Variants in CAMKMT observed in about 807,000 individuals in gnomAD.
CAMKMT encodes CaM KMT.
CAMKMT carries 53 observed loss-of-function variants against 48.0 expected under a neutral mutation model. The observed-to-expected ratio is 1.10, with a 90% confidence interval of 0.89 to 1.39. The LOEUF (loss-of-function observed/expected upper bound fraction) is 1.39. Ranked by LOEUF, CAMKMT falls within the 40% of genes most tolerant of loss-of-function variation. The pLI is 0.00. For missense variants in CAMKMT, 428 were observed against 402.7 expected (o/e 1.06, Z -0.54); for synonymous variants, 165 against 152.3 (o/e 1.08, Z -0.61).
At chr2:44,427,997 G>C (rs977912144) in intron 3 of CAMKMT, among the ~76,000 whole-genome samples, 4 of 152,148 alleles carry the variant, frequency 2.6e-5, no homozygotes, top group African/African-American at 9.7e-5. Context: ...AGCCTCTAGG[G>C]GTTGCCCACA....
At chr2:44,469,132 A>G (rs769771316) in intron 3 of CAMKMT, among the ~76,000 whole-genome samples, 8 of 152,174 alleles carry the variant, frequency 5.3e-5, no homozygotes, top group Non-Finnish European at 7.4e-5. Flanking sequence ...TAGAGTGACT[A>G]TCGTTAACAA....
At chr2:44,697,483 T>C (rs926987306) in intron 3 of CAMKMT, among the ~76,000 whole-genome samples, 5 of 152,032 alleles carry the variant, frequency 3.3e-5, no homozygotes, top group African/African-American at 1.2e-4. Context: ...AATGAATGTA[T>C]TGAGAGGAGA....
At chr2:44,720,095 C>CAA (rs1558816876) in intron 7 of CAMKMT, among the ~76,000 whole-genome samples, 1 of 152,084 alleles carries the variant, frequency 6.6e-6, no homozygotes, top group African/African-American at 2.4e-5. Flanking sequence ...CATATCCCTA[C>CAA]TATTTAGTGT....
chr2:44,757,668 A>G (rs993168966), intron 9 of CAMKMT, among the ~76,000 whole-genome samples: 1 of 151,768 alleles, frequency 6.6e-6, no homozygotes, highest in African/African-American at 2.4e-5. Flanking sequence ...GGTTCAAGCA[A>G]TTCTCCTGCC....
intron 4 of CAMKMT, among the ~76,000 whole-genome samples, chr2:44,705,747 T>C (rs1677518254): frequency 6.6e-6 from 1 of 152,182 alleles, no homozygotes; most frequent in African/African-American, 2.4e-5. Flanking sequence ...TTGTTCTTTA[T>C]GGGGACTGTT....
intron 3 of CAMKMT, among the ~76,000 whole-genome samples, chr2:44,461,211 T>C (rs946275197): frequency 6.6e-6 from 1 of 152,212 alleles, no homozygotes; most frequent in Non-Finnish European, 1.5e-5. Context: ...AGGGCTTTTG[T>C]GTATACCTCG....
intron 3 of CAMKMT, among the ~76,000 whole-genome samples, chr2:44,435,066 C>T (rs1255022275): frequency 6.6e-6 from 1 of 152,142 alleles, no homozygotes; most frequent in African/African-American, 2.4e-5. Context: ...AATGAATTTA[C>T]ATACGTAAAT....
At chr2:44,374,382 A>G (rs1005748682) in intron 2 of CAMKMT, among the ~76,000 whole-genome samples, 2 of 152,206 alleles carry the variant, frequency 1.3e-5, no homozygotes, top group East Asian at 1.9e-4. Flanking sequence ...TTTGTGAAGC[A>G]GGAATGGAAA....
chr2:44,467,275 T>C (rs986987783), intron 3 of CAMKMT, among the ~76,000 whole-genome samples: 1 of 152,106 alleles, frequency 6.6e-6, no homozygotes, highest in African/African-American at 2.4e-5. Context: ...CTCACGCCTG[T>C]AATCCCAGCA....
intron 1 of CAMKMT, among the ~76,000 whole-genome samples, chr2:44,366,019 G>A (rs786617): frequency 0.72 from 109,037 of 152,140 alleles, 39,731 homozygotes; most frequent in South Asian, 0.78. Flanking sequence ...ATCTTTCTAG[G>A]TATTTGTAAT....
At chr2:44,443,614 G>A (rs559730766) in intron 3 of CAMKMT, among the ~76,000 whole-genome samples, 1 of 152,274 alleles carries the variant, frequency 6.6e-6, no homozygotes, top group South Asian at 2.1e-4. Context: ...AGTCACCACA[G>A]TTGAAAGGCA....
chr2:44,604,550 C>A (rs13408637), intron 3 of CAMKMT, among the ~76,000 whole-genome samples: 1 of 135,444 alleles, frequency 7.4e-6, no homozygotes, highest in Non-Finnish European at 1.6e-5. Flanking sequence ...CCTATGAAAG[C>A]CAATCTGGTT....
At chr2:44,502,111 C>T (rs1670036032) in intron 3 of CAMKMT, among the ~76,000 whole-genome samples, 1 of 151,248 alleles carries the variant, frequency 6.6e-6, no homozygotes, top group Non-Finnish European at 1.5e-5. Context: ...ATCCCAACTA[C>T]TCAGGAGGCT....
chr2:44,600,721 A>G (rs1670936683), intron 3 of CAMKMT, among the ~76,000 whole-genome samples: 1 of 152,148 alleles, frequency 6.6e-6, no homozygotes, highest in South Asian at 2.1e-4. Flanking sequence ...CTAGGTTGTT[A>G]GATGAAATTG....
chr2:44,529,399 G>C (rs938257882), intron 3 of CAMKMT, among the ~76,000 whole-genome samples: 2 of 152,280 alleles, frequency 1.3e-5, no homozygotes, highest in Non-Finnish European at 2.9e-5. Flanking sequence ...AGTTACACAT[G>C]AATGTTCAGG....
chr2:44,565,975 T>C (rs1425422826), intron 3 of CAMKMT, among the ~76,000 whole-genome samples: 1 of 152,224 alleles, frequency 6.6e-6, no homozygotes, highest in African/African-American at 2.4e-5. Context: ...CATGTGTACG[T>C]GGCTTGTAAA....
At chr2:44,565,486 C>T (rs1300049256) in intron 3 of CAMKMT, among the ~76,000 whole-genome samples, 4 of 151,948 alleles carry the variant, frequency 2.6e-5, no homozygotes, top group Non-Finnish European at 5.9e-5. Context: ...GTGAGGATTA[C>T]GTAATTTAAT....
intron 3 of CAMKMT, among the ~76,000 whole-genome samples, chr2:44,504,601 T>C (rs932347915): frequency 1.3e-5 from 2 of 152,196 alleles, no homozygotes; most frequent in Non-Finnish European, 2.9e-5. Context: ...TGGGGCCTTT[T>C]AGTTTTTCTG....
At chr2:44,521,399 T>C (rs1223226) in intron 3 of CAMKMT, among the ~76,000 whole-genome samples, 95,811 of 151,606 alleles carry the variant, frequency 0.63, 30,890 homozygotes, top group Middle Eastern at 0.68. Context: ...GTGCCTCAGC[T>C]TCCCGAGTAG....
Sources: gnomAD v4.1 joint callset for allele counts (sites outside exome capture counted in the v4.1 genomes callset) on GRCh38, gnomAD v4.1.1 for gene constraint, MANE v1.5 for transcripts, NCBI Gene and HGNC (gene_info 2026-07-23, HGNC 2026-07-21) for gene names.